The following PLEKHG6 variants were observed in gnomAD, a reference collection of about 807,000 sequenced individuals.
The protein encoded by PLEKHG6 is pleckstrin homology and RhoGEF domain containing G6.
Under a neutral mutation model 97.5 loss-of-function variants are expected in PLEKHG6, and 91 were observed. The ratio of observed to expected loss-of-function variants is 0.93; its 90% CI spans 0.79 to 1.11. The LOEUF is 1.11. Among genes scored for constraint, PLEKHG6 ranks in the 50% most tolerant of loss-of-function variants. The probability of loss-of-function intolerance (pLI) is 0.00; values close to 1 mark genes in which losing one functional copy is unlikely to be tolerated. For synonymous variants in PLEKHG6, 466 were observed against 425.5 expected, an observed-to-expected ratio of 1.10 and a Z score of -1.17; for missense variants, 1,044 against 1,031.0, an observed-to-expected ratio of 1.01 and a Z score of -0.17.
At position 6,326,586 on chromosome 12, in the gene PLEKHG6, C is replaced by T. The variant is rs551637882; in HGVS notation, c.1670+13C>T. 9 of 1,479,010 alleles carry T rather than the reference C, an allele frequency of 6.1e-6. No homozygotes were observed. Among genetic ancestry groups the T allele is most frequent in the East Asian group, 5.1e-5 (2 of 39,092 alleles). 91.6% of individuals were successfully genotyped at this position (1,479,010 alleles called of 1,614,324 possible). On this transcript the variant is annotated intron_variant, in intron 14 of 15. Transcript: ENST00000684764. Reference sequence around the variant, plus strand: ...GCGCAGAGGGGAGGTAAGGCTCACACGGACTACAAGGTCTCCCCGAGCAGG... The same window carrying T: ...GCGCAGAGGGGAGGTAAGGCTCACATGGACTACAAGGTCTCCCCGAGCAGG...
At chr12:6,326,925 C>T (rs1171129329) in intron 14 of PLEKHG6, among the ~76,000 whole-genome samples, 1 of 152,170 alleles carries the variant, frequency 6.6e-6, no homozygotes, top group African/African-American at 2.4e-5. Flanking sequence ...GATAGCACCA[C>T]TGCTTGGCAG....
At position 6,312,101 on chromosome 12, in the gene PLEKHG6, G is replaced by A. The variant is rs78697951; in HGVS notation, c.-68-58G>A. The A allele has an allele frequency of 5.9e-3, 4,128 of 698,418 alleles. 130 individuals are homozygous for A. In the African/African-American group the frequency reaches 0.068, roughly 12 times the overall value. 43.3% of individuals were successfully genotyped at this position (698,418 alleles called of 1,614,324 possible). On this transcript the variant is annotated intron_variant, in intron 1 of 15. Coordinates refer to ENST00000684764, the MANE Select transcript of PLEKHG6 (RefSeq NM_001384598.1). ...GGCCCCCTACCAGCCTTGGTCTCCC[G>A]CCTGGTGCCATTCACTGATTGGGGA...
At chr12:6,318,079 C>A in intron 10 of PLEKHG6, 85 bp downstream of exon 10, 1 of 1,454,398 alleles carries the variant, frequency 6.9e-7, no homozygotes, top group South Asian at 1.4e-5. Context: ...CAGAACACCC[C>A]GTACTTGGGT....
At chr12:6,314,055 C>T (rs1364726371) in intron 3 of PLEKHG6, among the ~76,000 whole-genome samples, 1 of 152,204 alleles carries the variant, frequency 6.6e-6, no homozygotes, top group African/African-American at 2.4e-5. Flanking sequence ...AGTCAAATTA[C>T]CAAGTTGCTG....
intron 11 of PLEKHG6, 108 bp from the exon 12 acceptor site, chr12:6,318,637 T>A (rs555294982): frequency 3.5e-5 from 46 of 1,318,076 alleles, no homozygotes; most frequent in Non-Finnish European, 4.8e-5. Context: ...ATTTGGGCTC[T>A]GCGTGTGTCC....
rs561855927 is a variant in PLEKHG6, at chr12:6,318,180, C to G, written c.1156-121C>G. On this transcript the variant is annotated intron_variant, in intron 10 of 15. Coordinates refer to ENST00000684764, the MANE Select transcript of PLEKHG6 (RefSeq NM_001384598.1). ...AAAAGGAGGCCCTGGGAGGCTTTCT[C>G]TAGCCCATGGGGGAAGGATACAAAC... 1.3e-5 allele frequency: 19 copies of G among 1,515,542 alleles called. No individual in the cohort carries two copies. In the South Asian group the frequency reaches 2.0e-4, roughly 16 times the overall value. 93.9% of individuals were successfully genotyped at this position (1,515,542 alleles called of 1,614,324 possible).
chr12:6,319,277 G>A (rs555809263), intron 13 of PLEKHG6, 169 bp downstream of exon 13: 45 of 612,500 alleles, frequency 7.3e-5, no homozygotes, highest in East Asian at 1.4e-4. Flanking sequence ...GTGAAACCCC[G>A]TCTCTACTAA....
chr12:6,315,506 C>T lies in PLEKHG6; in HGVS notation c.460-48C>T, dbSNP rs1316796775. On this transcript the variant is annotated intron_variant, in intron 4 of 15. Transcript: ENST00000684764. The surrounding 1 kb of genome is among the most constrained non-coding windows in gnomAD (Gnocchi z 4.5). ...GTCGCACTTAACAGCTGGTACTTGC[C>T]ATTCTAATTATCATTCCCCAACTGA... The T allele has an allele frequency of 8.3e-7, 1 of 1,210,126 alleles. No individual in the cohort carries two copies. The highest frequency in any genetic ancestry group is 2.2e-5 in the Admixed American group (1 of 44,798). The allele number at this position is 1,210,126 out of a possible 1,614,324, so 75.0% of individuals were successfully genotyped here.
At position 6,317,994 on chromosome 12, in the gene PLEKHG6, G is replaced by T; in HGVS notation, c.1155G>T (p.Lys385Asn). Residue 385 changes from lysine (K) to asparagine (N), a missense_variant and splice_region_variant, in exon 10 of 16, where the codon AAG (lysine) becomes AAT (asparagine). Transcript: ENST00000684764. ...AGCCACCCAGTGATGAGGTGGAGAAGGTGAGAGGGCAAAGGGAAGGGACCC... is the reference window on the plus strand; with the variant it reads ...AGCCACCCAGTGATGAGGTGGAGAATGTGAGAGGGCAAAGGGAAGGGACCC... Reference protein sequence around the residue: ...VLEPPSDEVEKNLRPFSTLDL... With the variant: ...VLEPPSDEVENNLRPFSTLDL... 6.3e-7 allele frequency: 1 copy of T among 1,587,956 alleles called. No individual in the cohort carries two copies. The highest frequency in any genetic ancestry group is 2.3e-5 in the East Asian group (1 of 44,062).
chr12:6,313,978 C>G (rs957385485), intron 3 of PLEKHG6, among the ~76,000 whole-genome samples, 194 bp downstream of exon 3: 1 of 152,240 alleles, frequency 6.6e-6, no homozygotes, highest in Non-Finnish European at 1.5e-5. Context: ...GGGACTTTGA[C>G]TTGAGACACT....
At chr12:6,317,740 G>A (rs1947529223) in intron 9 of PLEKHG6, 44 bp downstream of exon 9, 10 of 1,604,512 alleles carry the variant, frequency 6.2e-6, no homozygotes, top group African/African-American at 1.3e-5. Flanking sequence ...ATCGGGGACT[G>A]GGAGGGGGGT....
rs905560180 is a variant in PLEKHG6 at position 6,316,897 on chromosome 12, C to A, written c.757-406C>A. Among the ~76,000 whole-genome samples, 7 of 152,142 alleles carry A rather than the reference C, an allele frequency of 4.6e-5. No homozygotes were observed. Among genetic ancestry groups the A allele is most frequent in the Non-Finnish European group, 8.8e-5 (6 of 68,012 alleles). The stretch of plus-strand genomic sequence containing the variant: ...GAGGTAGGCGTACTGCCCCTGGGAG[C>A]CTTAGGTACCCCCTCCATAGGAGCA... On this transcript the variant is annotated intron_variant, in intron 7 of 15. Coordinates refer to ENST00000684764, the MANE Select transcript of PLEKHG6 (RefSeq NM_001384598.1). The surrounding 1 kb of genome is among the most constrained non-coding windows in gnomAD (Gnocchi z 4.1).
chr12:6,312,514 G>A, intron 2 of PLEKHG6, 150 bp downstream of exon 2: 1 of 1,092,138 alleles, frequency 9.2e-7, no homozygotes, highest in Non-Finnish European at 1.2e-6. Flanking sequence ...GAAAGAGGAG[G>A]GCAGTGACAG....
intron 15 of PLEKHG6, 40 bp downstream of exon 15, chr12:6,327,986 G>A (rs370878784): frequency 1.7e-5 from 25 of 1,512,086 alleles, no homozygotes; most frequent in African/African-American, 4.4e-5. Flanking sequence ...GGGGGCAGAC[G>A]GGGATGTCTG....
intron 13 of PLEKHG6, among the ~76,000 whole-genome samples, chr12:6,320,065 T>C (rs913488017): frequency 3.3e-5 from 5 of 152,080 alleles, no homozygotes; most frequent in African/African-American, 1.2e-4. Context: ...GAAACAGTTG[T>C]GTGTGTTGAG....
Position 6,315,639 on chromosome 12 carries a change from T to C in PLEKHG6, c.545T>C (p.Ile182Thr), listed in dbSNP as rs747593083. ...TELIYVRKLKIMTDLLAAGLL... is the reference protein window; with the variant it reads ...TELIYVRKLKTMTDLLAAGLL... Reference sequence around the variant, plus strand: ...CTGATCTACGTGAGAAAGCTCAAGATCATGACTGATGTGAGCCCCCCTCAG... The same window carrying C: ...CTGATCTACGTGAGAAAGCTCAAGACCATGACTGATGTGAGCCCCCCTCAG... The change falls in exon 5 of 16, where the codon ATC becomes ACC. Residue 182 changes from isoleucine to threonine, a missense_variant. Coordinates refer to ENST00000684764, the MANE Select transcript of PLEKHG6 (RefSeq NM_001384598.1). The surrounding 1 kb of genome is among the most constrained non-coding windows in gnomAD (Gnocchi z 4.5). 6.3e-7 allele frequency: 1 copy of C among 1,582,188 alleles called. No homozygotes were observed. Among genetic ancestry groups the C allele is most frequent in the Non-Finnish European group, 8.7e-7 (1 of 1,154,160 alleles).
intron 3 of PLEKHG6, among the ~76,000 whole-genome samples, chr12:6,314,751 T>C (rs992186236): frequency 4.6e-5 from 7 of 152,086 alleles, no homozygotes; most frequent in African/African-American, 1.7e-4. Flanking sequence ...TCCAGGGACC[T>C]TTCCACAGAC....
At position 6,327,479 on chromosome 12, in the gene PLEKHG6, T is replaced by TGGGGGGCCCCCC; in HGVS notation, c.1896_1897insGGGGGGCCCCCC (p.Arg632_Pro633insGlyGlyProPro). Reference sequence around the variant, plus strand: ...TGGAACTCCGGGACATCCCTCTGCGTCCCCACCCTCCCGACCCCCAAGCTC... The same window carrying TGGGGGGCCCCCC: ...TGGAACTCCGGGACATCCCTCTGCGTGGGGGGCCCCCCCCCCACCCTCCCGACCCCCAAGCTC... On this transcript the variant is annotated inframe_insertion, in exon 15 of 16. Transcript: ENST00000684764. 2 of 1,603,268 alleles carry TGGGGGGCCCCCC rather than the reference T, an allele frequency of 1.2e-6. No homozygotes were observed. The highest frequency in any genetic ancestry group is 1.3e-5 in the African/African-American group (1 of 74,596).
At position 6,326,460 on chromosome 12, in the gene PLEKHG6, T is replaced by G. The variant is rs772561901; in HGVS notation, c.1557T>G (p.Tyr519Ter). ...TACAGAAGCTGAAGGCAGAGGAGTA[T>G]GTTCAACAGAAGAGGGAGCTCCTGA... ...AALQKLKAEEYVQQKRELLTL... is the reference protein window; with the variant it reads ...AALQKLKAEE The change falls in exon 14 of 16, where the codon TAT (tyrosine) becomes TAG (stop). Residue 519 changes from tyrosine to a stop codon, truncating the protein, a stop_gained. Coordinates refer to ENST00000684764, the MANE Select transcript of PLEKHG6 (RefSeq NM_001384598.1). LOFTEE classifies it high-confidence loss of function. 6.2e-7 allele frequency: 1 copy of G among 1,613,454 alleles called. No individual in the cohort carries two copies.
Sources: allele counts gnomAD v4.1 joint callset (sites outside exome capture counted in the v4.1 genomes callset), GRCh38; gene constraint gnomAD v4.1.1; non-coding constraint Gnocchi (gnomAD v3.1); transcripts MANE v1.5; gene names NCBI Gene and HGNC (gene_info 2026-07-23, HGNC 2026-07-21).